SEM1: variants seen among roughly 807,000 people sequenced by gnomAD.
SEM1 encodes the protein 26S proteasome complex subunit SEM1.
In SEM1, 3 loss-of-function variants were observed where a neutral mutation model predicts 12.7. The observed-to-expected ratio is 0.24, with a 90% CI of 0.11 to 0.61. The LOEUF is 0.61. Ranked by LOEUF, SEM1 falls within the 20% of genes least tolerant of loss-of-function variation. The probability of loss-of-function intolerance (pLI) is 0.88; values close to 1 mark genes in which losing one functional copy is unlikely to be tolerated. For synonymous variants in SEM1, 30 were observed against 27.8 expected (o/e 1.08, Z -0.25); for missense variants, 59 against 81.3 (o/e 0.73, Z 1.06).
chr7:96,698,983 CTTTAAT>C (rs763819918), intron 1 of SEM1, among the ~76,000 whole-genome samples: 6 of 152,054 alleles, frequency 3.9e-5, no homozygotes, highest in Non-Finnish European at 7.4e-5. Context: ...AGATTTGTGG[CTTTAAT>C]TTTAATTCCA....
chr7:96,656,789 C>A (rs1214318410), intron 2 of SEM1, among the ~76,000 whole-genome samples: 2 of 151,738 alleles, frequency 1.3e-5, no homozygotes, highest in African/African-American at 4.8e-5. Context: ...AGCATATACA[C>A]TCTCCAACTG....
chr7:96,509,557 A>G (rs1803866889), intron 2 of SEM1, among the ~76,000 whole-genome samples: 1 of 152,142 alleles, frequency 6.6e-6, no homozygotes, highest in Non-Finnish European at 1.5e-5. Context: ...TCAAAATGCT[A>G]GATTGTCTCA....
intron 2 of SEM1, among the ~76,000 whole-genome samples, chr7:96,533,262 A>G (rs543686904): frequency 2.8e-4 from 42 of 152,110 alleles, no homozygotes; most frequent in Non-Finnish European, 4.4e-5. Context: ...GGAATGGCAA[A>G]ACCCATGCTG....
chr7:96,680,366 C>T (rs1296789736), intron 2 of SEM1, among the ~76,000 whole-genome samples: 5 of 152,020 alleles, frequency 3.3e-5, no homozygotes, highest in Non-Finnish European at 7.4e-5. Context: ...AATGGGAGTT[C>T]TACTTTTAAG....
intron 2 of SEM1, among the ~76,000 whole-genome samples, chr7:96,646,904 G>C (rs1408620138): frequency 1.3e-5 from 2 of 152,098 alleles, no homozygotes; most frequent in African/African-American, 4.8e-5. Flanking sequence ...CAATTGCCTA[G>C]GTCAATCCTC....
intron 2 of SEM1, among the ~76,000 whole-genome samples, chr7:96,581,230 C>G (rs1037177211): frequency 1.3e-5 from 2 of 152,272 alleles, no homozygotes; most frequent in Non-Finnish European, 2.9e-5. Flanking sequence ...AATAGGGAAT[C>G]CTTTCCCCAT....
chr7:96,682,707 A>G (rs1008122261), intron 2 of SEM1, among the ~76,000 whole-genome samples: 5 of 152,098 alleles, frequency 3.3e-5, no homozygotes, highest in Non-Finnish European at 5.9e-5. Flanking sequence ...CTGCACAGCA[A>G]AAGAAACTAT....
intron 2 of SEM1, among the ~76,000 whole-genome samples, chr7:96,556,155 C>G (rs1319193048): frequency 6.6e-6 from 1 of 152,070 alleles, no homozygotes; most frequent in Non-Finnish European, 1.5e-5. Flanking sequence ...GTTTGCCAGT[C>G]TGTGTCTTTT....
At chr7:96,685,565 GTT>G (rs1446612830), downstream of SEM1, among the ~76,000 whole-genome samples, 1 of 151,838 alleles carries the variant, frequency 6.6e-6, no homozygotes, top group Non-Finnish European at 1.5e-5. Flanking sequence ...TTTTTGTTTC[GTT>G]TTGTTTGGAA....
At chr7:96,484,382 T>C (rs1192194716) in intron 3 of SEM1, among the ~76,000 whole-genome samples, 1 of 152,188 alleles carries the variant, frequency 6.6e-6, no homozygotes, top group Non-Finnish European at 1.5e-5. Flanking sequence ...CATCAAACTA[T>C]GGCATCTCTC....
intron 2 of SEM1, among the ~76,000 whole-genome samples, chr7:96,677,981 T>C (rs536830878): frequency 1.3e-5 from 2 of 152,324 alleles, no homozygotes; most frequent in East Asian, 1.9e-4. Context: ...GTTTTTCATA[T>C]GTGAACTAAC....
chr7:96,620,297 A>C (rs1807851499), downstream of SEM1, among the ~76,000 whole-genome samples: 1 of 152,130 alleles, frequency 6.6e-6, no homozygotes, highest in Non-Finnish European at 1.5e-5. Flanking sequence ...GCGGCAGGGC[A>C]GTAGGGACCC....
intron 2 of SEM1, among the ~76,000 whole-genome samples, chr7:96,609,152 A>T (rs973677781): frequency 2.6e-5 from 4 of 152,228 alleles, no homozygotes; most frequent in Admixed American, 2.0e-4. Flanking sequence ...GTGGTGTCTC[A>T]TTGTAGTTTC....
At chr7:96,556,324 G>A (rs1026851143) in intron 2 of SEM1, among the ~76,000 whole-genome samples, 1 of 151,880 alleles carries the variant, frequency 6.6e-6, no homozygotes, top group Non-Finnish European at 1.5e-5. Flanking sequence ...TGCAGCGGCT[G>A]GTACCGGTTG....
At chr7:96,653,545 G>A (rs968854266) in intron 2 of SEM1, among the ~76,000 whole-genome samples, 14 of 152,206 alleles carry the variant, frequency 9.2e-5, no homozygotes, top group African/African-American at 3.1e-4. Context: ...AATGGGAAGA[G>A]GAATGGCATC....
At chr7:96,488,539 G>A (rs1173496245) in intron 1 of SEM1, among the ~76,000 whole-genome samples, 1 of 152,146 alleles carries the variant, frequency 6.6e-6, no homozygotes, top group East Asian at 1.9e-4. Context: ...CAAGCAACTT[G>A]AGAAAGAATG....
chr7:96,618,309 C>A (rs1807782618), downstream of SEM1, among the ~76,000 whole-genome samples: 1 of 152,086 alleles, frequency 6.6e-6, no homozygotes, highest in Non-Finnish European at 1.5e-5. Context: ...TGACTTGATG[C>A]TTTTCTCTTA....
intron 2 of SEM1, among the ~76,000 whole-genome samples, chr7:96,674,550 G>A (rs1354634805): frequency 6.6e-6 from 1 of 152,018 alleles, no homozygotes; most frequent in Non-Finnish European, 1.5e-5. Context: ...TGTGGTCCCA[G>A]AAGATACTTG....
At chr7:96,655,473 G>A (rs1331420314) in intron 2 of SEM1, among the ~76,000 whole-genome samples, 2 of 142,036 alleles carry the variant, frequency 1.4e-5, no homozygotes, top group African/African-American at 5.3e-5. Context: ...TTTTAGTAGA[G>A]ACGGGATTTT....
Sources: gnomAD v4.1 joint callset for allele counts (sites outside exome capture counted in the v4.1 genomes callset) on GRCh38, gnomAD v4.1.1 for gene constraint, MANE v1.5 for transcripts, NCBI Gene and HGNC (gene_info 2026-07-23, HGNC 2026-07-21) for gene names.